CEMIP: variants seen among roughly 807,000 people sequenced by gnomAD.
CEMIP encodes cell migration inducing hyaluronidase 1.
In CEMIP, 105 loss-of-function variants were observed where a neutral mutation model predicts 156.9. That is an observed-to-expected ratio of 0.67 (90% CI 0.57 to 0.79). CEMIP has a LOEUF of 0.79. Ranked by LOEUF, CEMIP falls within the 30% of genes least tolerant of loss-of-function variation. The probability of loss-of-function intolerance (pLI) is 0.00; values close to 1 mark genes in which losing one functional copy is unlikely to be tolerated. For missense variants in CEMIP, 1,457 were observed against 1,769.4 expected (o/e 0.82, Z 3.17); for synonymous variants, 676 against 668.4 (o/e 1.01, Z -0.17).
At chr15:80,902,051 C>T (rs940951887) in intron 12 of CEMIP, among the ~76,000 whole-genome samples, 5 of 152,232 alleles carry the variant, frequency 3.3e-5, no homozygotes, top group African/African-American at 1.2e-4. Context: ...ATCTCCCTCT[C>T]CACCAGACTC....
Position 80,945,947 on chromosome 15 carries a change from C to T in CEMIP, c.3858-1018C>T, listed in dbSNP as rs553638927. On this transcript the variant is annotated intron_variant, in intron 28 of 29. Transcript: ENST00000394685. ...ACTTTTGCAATTTGGGACCTTCAGG[C>T]TGGGTGCACACATTGCTCCAAACCT... 3.3e-5 allele frequency among the ~76,000 whole-genome samples: 5 copies of T among 152,384 alleles called. No homozygotes were observed. The South Asian group carries it at 8.3e-4, about 25-fold the overall frequency.
intron 12 of CEMIP, among the ~76,000 whole-genome samples, chr15:80,896,977 A>G (rs372238923): frequency 6.6e-6 from 1 of 152,208 alleles, no homozygotes; most frequent in Non-Finnish European, 1.5e-5. Context: ...GTCACCTTCC[A>G]GGGAGAGAGC....
intron 8 of CEMIP, among the ~76,000 whole-genome samples, chr15:80,888,383 T>G (rs1325568899): frequency 6.6e-6 from 1 of 152,044 alleles, no homozygotes; most frequent in Non-Finnish European, 1.5e-5. Flanking sequence ...AGTAGTAGCC[T>G]CCTTTGCCCA....
intron 1 of CEMIP, among the ~76,000 whole-genome samples, chr15:80,872,381 G>A (rs1898325538): frequency 6.6e-6 from 1 of 152,194 alleles, no homozygotes; most frequent in Admixed American, 6.5e-5. Context: ...ATCTCTCCAA[G>A]CGACATTATA....
chr15:80,799,571 C>T (rs1465389150), intron 1 of CEMIP, among the ~76,000 whole-genome samples: 1 of 152,132 alleles, frequency 6.6e-6, no homozygotes, highest in Non-Finnish European at 1.5e-5. Context: ...TGAGCATCTG[C>T]CCAAAGGAAA....
intron 1 of CEMIP, among the ~76,000 whole-genome samples, chr15:80,844,132 G>A (rs377405523): frequency 1.8e-4 from 28 of 152,352 alleles, no homozygotes; most frequent in Admixed American, 8.5e-4. Context: ...TCGCTCAGGC[G>A]GGTCCACACA....
At chr15:80,782,923 A>G (rs920900922) in intron 1 of CEMIP, among the ~76,000 whole-genome samples, 3 of 152,198 alleles carry the variant, frequency 2.0e-5, no homozygotes, top group Non-Finnish European at 4.4e-5. Flanking sequence ...TAAGAAAACT[A>G]TTGAACTACA....
intron 1 of CEMIP, among the ~76,000 whole-genome samples, chr15:80,810,048 TTTGA>T (rs1212745978): frequency 2.0e-5 from 3 of 152,110 alleles, no homozygotes; most frequent in East Asian, 1.9e-4. Flanking sequence ...TACATTAGTG[TTTGA>T]TTGGGTAACT....
intron 18 of CEMIP, 37 bp from the exon 19 acceptor site, chr15:80,925,587 C>T: frequency 6.2e-7 from 1 of 1,607,528 alleles, no homozygotes; most frequent in East Asian, 2.2e-5. Flanking sequence ...GTGCCCCCAA[C>T]ACCGCCACCT....
intron 1 of CEMIP, among the ~76,000 whole-genome samples, chr15:80,797,651 C>T (rs1033207898): frequency 3.4e-4 from 18 of 53,572 alleles, no homozygotes; most frequent in Non-Finnish European, 4.6e-4. Context: ...AACTAACACA[C>T]GGTTCTTTAG....
intron 10 of CEMIP, 142 bp downstream of exon 10, chr15:80,889,734 C>T (rs1353627069): frequency 4.8e-6 from 5 of 1,041,266 alleles, no homozygotes; most frequent in South Asian, 1.3e-5. Context: ...GTACCATTCC[C>T]ACTTTAGAGA....
At chr15:80,927,757 G>A (rs1452711136) in intron 19 of CEMIP, among the ~76,000 whole-genome samples, 1 of 152,142 alleles carries the variant, frequency 6.6e-6, no homozygotes, top group Admixed American at 6.5e-5. Flanking sequence ...AGGGGACCAG[G>A]AGCCTAGCAC....
rs150912408 is a variant in CEMIP, at chr15:80,898,015, G to A, written c.1411+1955G>A. Among the ~76,000 whole-genome samples the A allele has an allele frequency of 1.2e-3, 185 of 152,370 alleles. 1 individual carries two copies. Among genetic ancestry groups the A allele is most frequent in the African/African-American group, 4.2e-3 (174 of 41,584 alleles). ...ATGAAAGATATTCACAACAATGTGA[G>A]CAGCAATGCTGGGAGCAGTTTTATG... is the stretch of plus-strand genomic sequence containing the variant. On this transcript the variant is annotated intron_variant, in intron 12 of 29. Transcript: ENST00000394685.
intron 3 of CEMIP, among the ~76,000 whole-genome samples, chr15:80,877,157 C>T (rs1051202095): frequency 6.6e-6 from 1 of 152,162 alleles, no homozygotes; most frequent in African/African-American, 2.4e-5. Context: ...TCAATTATAT[C>T]CCACTGGGTC....
At chr15:80,895,746 C>T (rs2141860298) in intron 11 of CEMIP, 123 bp from the exon 12 acceptor site, 1 of 847,478 alleles carries the variant, frequency 1.2e-6, no homozygotes, top group Non-Finnish European at 2.0e-6. Flanking sequence ...AGCCAGTGAT[C>T]TGGGTTTTGG....
At chr15:80,916,261 C>G in intron 14 of CEMIP, among the ~76,000 whole-genome samples, 1 of 152,348 alleles carries the variant, frequency 6.6e-6, no homozygotes, top group East Asian at 1.9e-4. Flanking sequence ...CACCCTCCCC[C>G]GCCACTGAAG....
At chr15:80,948,616 C>T (rs1901670355) in intron 29 of CEMIP, 181 bp from the exon 30 acceptor site, 2 of 814,238 alleles carry the variant, frequency 2.5e-6, no homozygotes, top group African/African-American at 1.7e-5. Flanking sequence ...CTGCCCCATA[C>T]AAACACATGT....
Position 80,895,720 on chromosome 15 carries a change from A to T in CEMIP, c.1220-149A>T, listed in dbSNP as rs1156788171. The stretch of plus-strand genomic sequence containing the variant: ...TTGTTGACTTCAAAAACCTTTACCA[A>T]GAGTGGGATGGAGCAAGCCAGTGAT... On this transcript the variant is annotated intron_variant, in intron 11 of 29. Transcript: ENST00000394685. 1.6e-5 allele frequency: 12 copies of T among 736,752 alleles called. No individual in the cohort carries two copies. The African/African-American group carries it at 2.1e-4, about 13-fold the overall frequency. The allele number at this position is 736,752 out of a possible 1,614,324, so 45.6% of individuals were successfully genotyped here.
At chr15:80,837,184 A>T (rs1481562825) in intron 1 of CEMIP, among the ~76,000 whole-genome samples, 1 of 152,250 alleles carries the variant, frequency 6.6e-6, no homozygotes, top group Non-Finnish European at 1.5e-5. Flanking sequence ...CTCCTCAGTT[A>T]TCTGTGGTTG....
Sources: gnomAD v4.1 joint callset for allele counts (sites outside exome capture counted in the v4.1 genomes callset) on GRCh38, gnomAD v4.1.1 for gene constraint, MANE v1.5 for transcripts, NCBI Gene and HGNC (gene_info 2026-07-23, HGNC 2026-07-21) for gene names.